PCDH11X: variants seen among roughly 807,000 people sequenced by gnomAD.
PCDH11X encodes protocadherin-11 X-linked.
In PCDH11X, 18 loss-of-function variants were observed where a neutral mutation model predicts 53.3. That is an observed-to-expected ratio of 0.34 (90% CI 0.23 to 0.50). The LOEUF is 0.50. Ranked by LOEUF, PCDH11X falls within the 20% of genes least tolerant of loss-of-function variation. The pLI is 0.98. For synonymous variants in PCDH11X, 279 were observed against 393.3 expected (o/e 0.71, Z 3.44); for missense variants, 570 against 1,032.4 (o/e 0.55, Z 6.14).
intron 8 of PCDH11X, among the ~76,000 whole-genome samples, chrX:92,379,345 A>G (rs1263673747): frequency 3.5e-5 from 4 of 112,837 alleles, no homozygotes; most frequent in Admixed American, 2.8e-4. Context: ...ACCTGGTGGG[A>G]TGTGTGTGAG....
rs184571436 is a variant in PCDH11X at position 91,885,656 on chromosome X, C to G, written c.3033+6383C>G. ...TTGTTTTTCTTCCATTTCAGTGAAC[C>G]TTTCCTTCATAACTGTAATGAGTAA... On this transcript the variant is annotated intron_variant, in intron 6 of 10. Coordinates refer to ENST00000682573, the MANE Select transcript of PCDH11X (RefSeq NM_032968.5). Among the ~76,000 whole-genome samples the G allele has an allele frequency of 1.7e-4, 19 of 111,256 alleles. No individual in the cohort carries two copies. In the East Asian group the frequency reaches 4.3e-3, roughly 25 times the overall value.
At chrX:91,906,170 A>G (rs1306199175) in intron 6 of PCDH11X, among the ~76,000 whole-genome samples, 4 of 112,154 alleles carry the variant, frequency 3.6e-5, no homozygotes, top group Non-Finnish European at 7.5e-5. Flanking sequence ...AGAAGGTAAC[A>G]TCAACTTACT....
At chrX:92,253,319 G>A (rs773675711) in intron 7 of PCDH11X, among the ~76,000 whole-genome samples, 4 of 111,921 alleles carry the variant, frequency 3.6e-5, no homozygotes, top group Non-Finnish European at 7.5e-5. Flanking sequence ...TTTTATGCCA[G>A]TATCATGCTG....
At chrX:92,278,547 G>A (rs2068164523) in intron 8 of PCDH11X, among the ~76,000 whole-genome samples, 1 of 110,753 alleles carries the variant, frequency 9.0e-6, no homozygotes, top group South Asian at 3.9e-4. Flanking sequence ...TTGTTCTCTG[G>A]TGGGCAGGGG....
At chrX:92,471,987 T>C (rs1217433729) in intron 10 of PCDH11X, among the ~76,000 whole-genome samples, 6 of 111,527 alleles carry the variant, frequency 5.4e-5, no homozygotes, top group Non-Finnish European at 1.1e-4. Flanking sequence ...TTAAGTTCAT[T>C]ATAGATGCTG....
chrX:92,183,750 C>T (rs1342100206), intron 6 of PCDH11X, among the ~76,000 whole-genome samples: 1 of 112,170 alleles, frequency 8.9e-6, no homozygotes, highest in African/African-American at 3.2e-5. Context: ...CGTTATTCAG[C>T]AGACACACCA....
chrX:92,222,717 G>C (rs188150545), intron 7 of PCDH11X, among the ~76,000 whole-genome samples: 35 of 111,579 alleles, frequency 3.1e-4, no homozygotes, highest in Admixed American at 2.7e-3. Flanking sequence ...TTTCATCTCC[G>C]TAGGTATACT....
chrX:92,073,426 T>C (rs1440104819), intron 6 of PCDH11X, among the ~76,000 whole-genome samples: 2 of 112,627 alleles, frequency 1.8e-5, no homozygotes, highest in East Asian at 5.6e-4. Flanking sequence ...ATTGTCCTTT[T>C]ACTTTAAGCC....
chrX:92,148,584 A>C (rs1172827755), intron 6 of PCDH11X, among the ~76,000 whole-genome samples: 1 of 108,129 alleles, frequency 9.2e-6, no homozygotes, highest in Admixed American at 1.0e-4. Context: ...AGAACTGCCT[A>C]CTTAGCACAG....
intron 10 of PCDH11X, among the ~76,000 whole-genome samples, chrX:92,485,870 G>A (rs934647123): frequency 7.2e-5 from 8 of 110,952 alleles, no homozygotes; most frequent in African/African-American, 2.3e-4. Context: ...TGGGTTGGAC[G>A]GTGAGTCTGA....
intron 10 of PCDH11X, among the ~76,000 whole-genome samples, chrX:92,501,981 G>A (rs781746798): frequency 9.0e-6 from 1 of 110,921 alleles, no homozygotes; most frequent in East Asian, 2.8e-4. Context: ...CATAGTCTCA[G>A]CCCAAAAGCT....
intron 8 of PCDH11X, among the ~76,000 whole-genome samples, chrX:92,335,812 G>T (rs972338884): frequency 1.8e-5 from 2 of 111,766 alleles, no homozygotes; most frequent in Non-Finnish European, 3.8e-5. Flanking sequence ...ATACATGTAC[G>T]TGTGTAGATA....
chrX:91,864,062 T>C (rs905997544), intron 5 of PCDH11X, among the ~76,000 whole-genome samples: 9 of 111,548 alleles, frequency 8.1e-5, no homozygotes, highest in Admixed American at 7.6e-4. Flanking sequence ...TCTATGTTTT[T>C]CTGTGTACTT....
At chrX:92,615,608 A>G (rs1211826051) in intron 10 of PCDH11X, among the ~76,000 whole-genome samples, 4 of 110,326 alleles carry the variant, frequency 3.6e-5, no homozygotes, top group East Asian at 5.8e-4. Flanking sequence ...AGGTGTTCCA[A>G]TCTCTGGCCT....
At chrX:92,279,615 G>T (rs1287408494) in intron 8 of PCDH11X, among the ~76,000 whole-genome samples, 4 of 111,806 alleles carry the variant, frequency 3.6e-5, no homozygotes, top group Admixed American at 2.9e-4. Flanking sequence ...AAGTTGGTTG[G>T]GCAGAAACCA....
At chrX:92,247,304 A>T (rs892344173) in intron 7 of PCDH11X, among the ~76,000 whole-genome samples, 3 of 111,061 alleles carry the variant, frequency 2.7e-5, no homozygotes, top group African/African-American at 9.8e-5. Flanking sequence ...ATTCATCTCA[A>T]CTCTCCAGAA....
chrX:92,265,272 A>G (rs1290227991), intron 8 of PCDH11X, among the ~76,000 whole-genome samples: 1 of 110,413 alleles, frequency 9.1e-6, no homozygotes, highest in Non-Finnish European at 1.9e-5. Flanking sequence ...TGGACCAACA[A>G]GAGAGTGGGC....
chrX:92,223,139 C>G (rs185407710), intron 7 of PCDH11X, among the ~76,000 whole-genome samples: 11 of 112,370 alleles, frequency 9.8e-5, no homozygotes, highest in Non-Finnish European at 1.3e-4. Context: ...GCGTGAGCCA[C>G]ACACATGCCT....
intron 10 of PCDH11X, among the ~76,000 whole-genome samples, chrX:92,608,032 A>G (rs776751620): frequency 9.0e-6 from 1 of 111,059 alleles, no homozygotes; most frequent in South Asian, 3.8e-4. Context: ...TAGTCTTACT[A>G]TAACTTATTT....
Sources: allele counts gnomAD v4.1 joint callset (sites outside exome capture counted in the v4.1 genomes callset), GRCh38; gene constraint gnomAD v4.1.1; transcripts MANE v1.5; gene names NCBI Gene and HGNC (gene_info 2026-07-23, HGNC 2026-07-21).